TMPRSS11D: variants seen among roughly 807,000 people sequenced by gnomAD.
The protein encoded by TMPRSS11D is transmembrane protease serine 11D.
Under a neutral mutation model 44.4 loss-of-function variants are expected in TMPRSS11D, and 32 were observed. The ratio of observed to expected loss-of-function variants is 0.72; its 90% confidence interval spans 0.54 to 0.97. The LOEUF (loss-of-function observed/expected upper bound fraction) is 0.97, where lower values mean the gene tolerates loss of function less well. Ranked by LOEUF, TMPRSS11D falls within the 50% of genes least tolerant of loss-of-function variation. TMPRSS11D has a pLI of 0.00. For synonymous variants in TMPRSS11D, 179 were observed against 177.9 expected, an observed-to-expected ratio of 1.01 and a Z score of -0.05; for missense variants, 446 against 502.6, an observed-to-expected ratio of 0.89 and a Z score of 1.08.
Position 67,827,318 on chromosome 4 carries a change from T to C in TMPRSS11D, c.895A>G (p.Asn299Asp). 3.7e-6 allele frequency: 6 copies of C among 1,613,354 alleles called. No homozygotes were observed. The highest frequency in any genetic ancestry group is 5.1e-6 in the Non-Finnish European group (6 of 1,179,548). ...TAAGCAGTAGAGCCAGGTGGAATAT[T>C]CTGGGTAGCAGCTGGGAGACACACA... ...HSVCLPAATQNIPPGSTAYVT... is the reference protein window; with the variant it reads ...HSVCLPAATQDIPPGSTAYVT... The change falls in exon 8 of 10, where the codon AAT (asparagine) becomes GAT (aspartate). Residue 299 changes from asparagine to aspartate, a missense_variant. Asn to Asp is a conservative substitution (Grantham distance 23). Coordinates refer to ENST00000283916, the MANE Select transcript of TMPRSS11D (RefSeq NM_004262.3).
chr4:67,876,147 A>G (rs541080721), intron 1 of TMPRSS11D, among the ~76,000 whole-genome samples: 254 of 152,376 alleles, frequency 1.7e-3, no homozygotes, highest in African/African-American at 5.8e-3. Context: ...GCAATGCAGA[A>G]AGGTAATATA....
In TMPRSS11D at chr4:67,827,334, G is replaced by A. The variant is rs761896718; in HGVS notation, c.879C>T (p.Leu293=). Residue 293 remains leucine, a synonymous_variant, in exon 8 of 10, where the codon CTC becomes CTT. Coordinates refer to ENST00000283916, the MANE Select transcript of TMPRSS11D (RefSeq NM_004262.3). The part of the protein sequence containing the change: ...TFTKDIHSVC[L]PAATQNIPPG... Reference sequence around the variant, plus strand: ...GTGGAATATTCTGGGTAGCAGCTGGGAGACACACACTATGGATATCTTTGG... The same window carrying A: ...GTGGAATATTCTGGGTAGCAGCTGGAAGACACACACTATGGATATCTTTGG... The A allele has an allele frequency of 1.3e-5, 21 of 1,613,220 alleles. No homozygotes were observed. The highest frequency in any genetic ancestry group is 1.1e-5 in the Non-Finnish European group (13 of 1,179,582).
intron 5 of TMPRSS11D, among the ~76,000 whole-genome samples, chr4:67,835,734 T>C (rs1366312339): frequency 6.6e-6 from 1 of 152,084 alleles, no homozygotes; most frequent in Non-Finnish European, 1.5e-5. Context: ...TGCACTGTAT[T>C]TTGAAGATCT....
chr4:67,881,196 G>T (rs1719313158), intron 1 of TMPRSS11D, among the ~76,000 whole-genome samples: 1 of 152,184 alleles, frequency 6.6e-6, no homozygotes, highest in African/African-American at 2.4e-5. Context: ...AATATTGAAT[G>T]AATCCCTTCC....
chr4:67,865,215 T>C (rs1383123941), intron 1 of TMPRSS11D, among the ~76,000 whole-genome samples: 2 of 151,496 alleles, frequency 1.3e-5, no homozygotes, highest in Admixed American at 6.6e-5. Context: ...CAGGAGGAAC[T>C]CTTAAAACTA....
intron 3 of TMPRSS11D, among the ~76,000 whole-genome samples, chr4:67,852,917 TA>T (rs1178137500): frequency 6.6e-6 from 1 of 152,142 alleles, no homozygotes; most frequent in Non-Finnish European, 1.5e-5. Context: ...ATTTATAATA[TA>T]AAATACATAC....
rs774136070 is a variant in TMPRSS11D at position 67,821,414 on chromosome 4, G to T, written c.*923C>A. On this transcript the variant is annotated 3_prime_UTR_variant, in exon 10 of 10. Transcript: ENST00000283916. Reference sequence around the variant, plus strand: ...TTTCAATTCGTTACTTAGATTTAGCGTTTGACGACCCTTTTACGCTCAAAA... The same window carrying T: ...TTTCAATTCGTTACTTAGATTTAGCTTTTGACGACCCTTTTACGCTCAAAA... 6.6e-6 allele frequency: 1 copy of T among 152,126 alleles called. No individual in the cohort carries two copies. The highest frequency in any genetic ancestry group is 1.9e-4 in the East Asian group (1 of 5,174). 9.4% of individuals were successfully genotyped at this position (152,126 alleles called of 1,614,324 possible).
Position 67,854,059 on chromosome 4 carries a change from T to C in TMPRSS11D, c.249+9A>G. 7.0e-7 allele frequency: 1 copy of C among 1,426,788 alleles called. No individual in the cohort carries two copies. Among genetic ancestry groups the C allele is most frequent in the Non-Finnish European group, 9.6e-7 (1 of 1,043,280 alleles). 88.4% of individuals were successfully genotyped at this position (1,426,788 alleles called of 1,614,324 possible). ...ATGGAATAAAGAGCAAAGACAAATA[T>C]TAACTTACCAGAGATTCAATTCTTC... On this transcript the variant is annotated intron_variant, in intron 3 of 9. Transcript: ENST00000283916.
intron 1 of TMPRSS11D, among the ~76,000 whole-genome samples, chr4:67,871,997 AAG>A (rs1366514092): frequency 5.3e-5 from 8 of 152,148 alleles, no homozygotes; most frequent in Non-Finnish European, 1.0e-4. Flanking sequence ...CAAGAATCAT[AAG>A]AGAGAGAGCC....
At chr4:67,867,679 A>G (rs937948495) in intron 1 of TMPRSS11D, among the ~76,000 whole-genome samples, 2 of 152,140 alleles carry the variant, frequency 1.3e-5, no homozygotes, top group African/African-American at 2.4e-5. Context: ...ACATGAATAG[A>G]CATTTCTCAA....
rs1717644731 is a variant in TMPRSS11D at position 67,821,640 on chromosome 4, G to A, written c.*697C>T. The A allele has an allele frequency of 6.6e-6, 1 of 151,960 alleles. No homozygotes were observed. Among genetic ancestry groups the A allele is most frequent in the Admixed American group, 6.6e-5 (1 of 15,254 alleles). The allele number at this position is 151,960 out of a possible 1,614,324, so 9.4% of individuals were successfully genotyped here. On this transcript the variant is annotated 3_prime_UTR_variant, in exon 10 of 10. Coordinates refer to ENST00000283916, the MANE Select transcript of TMPRSS11D (RefSeq NM_004262.3). Reference sequence around the variant, plus strand: ...TATGTAGATGAGTGATATTTTTCATGGGTCATCATGAAAAATATCTATAAT... The same window carrying A: ...TATGTAGATGAGTGATATTTTTCATAGGTCATCATGAAAAATATCTATAAT...
intron 1 of TMPRSS11D, among the ~76,000 whole-genome samples, chr4:67,876,565 G>C (rs1339339491): frequency 1.3e-5 from 2 of 152,098 alleles, no homozygotes; most frequent in Admixed American, 1.3e-4. Context: ...GTTAGCAATG[G>C]AAGAGAGTTT....
At chr4:67,879,529 A>G (rs1483556892) in intron 1 of TMPRSS11D, among the ~76,000 whole-genome samples, 3 of 152,024 alleles carry the variant, frequency 2.0e-5, no homozygotes, top group African/African-American at 7.2e-5. Context: ...AATTAGTAGA[A>G]TCTAGTAACA....
At chr4:67,840,410 G>C (rs1337970005) in intron 4 of TMPRSS11D, among the ~76,000 whole-genome samples, 1 of 152,074 alleles carries the variant, frequency 6.6e-6, no homozygotes, top group Non-Finnish European at 1.5e-5. Context: ...TTCAAGATGA[G>C]ATTTTAGTGG....
chr4:67,823,378 C>T (rs1717700625), intron 9 of TMPRSS11D, among the ~76,000 whole-genome samples: 1 of 152,060 alleles, frequency 6.6e-6, no homozygotes. Context: ...TGGAGTATGT[C>T]TTATGTTCTG....
rs555185295 is a variant in TMPRSS11D at position 67,870,101 on chromosome 4, T to C, written c.9-10423A>G. On this transcript the variant is annotated intron_variant, in intron 1 of 9. Transcript: ENST00000283916. ...TACGCTTTTCTTGTGTGTGGCAATATCGTTTTTGCATATTTTAAGATTTTC... is the reference window on the plus strand; with the variant it reads ...TACGCTTTTCTTGTGTGTGGCAATACCGTTTTTGCATATTTTAAGATTTTC... Among the ~76,000 whole-genome samples the C allele has an allele frequency of 1.1e-3, 172 of 152,316 alleles. 1 individual carries two copies. The highest frequency in any genetic ancestry group is 4.1e-3 in the African/African-American group (170 of 41,568).
At chr4:67,835,861 T>C (rs938850574) in intron 5 of TMPRSS11D, among the ~76,000 whole-genome samples, 2 of 151,974 alleles carry the variant, frequency 1.3e-5, no homozygotes, top group African/African-American at 4.8e-5. Context: ...GGAGAGCTAG[T>C]GCATGTGTTG....
chr4:67,850,557 C>G (rs1312939708), intron 3 of TMPRSS11D, among the ~76,000 whole-genome samples: 1 of 152,130 alleles, frequency 6.6e-6, no homozygotes, highest in Non-Finnish European at 1.5e-5. Context: ...AACACCCTGT[C>G]AAAAGCTGAC....
intron 6 of TMPRSS11D, among the ~76,000 whole-genome samples, chr4:67,834,246 C>T (rs191544761): frequency 1.3e-5 from 2 of 150,528 alleles, no homozygotes; most frequent in East Asian, 3.9e-4. Context: ...GGTTTAATAG[C>T]ACAACCACCT....
Sources: allele counts gnomAD v4.1 joint callset (sites outside exome capture counted in the v4.1 genomes callset), GRCh38; gene constraint gnomAD v4.1.1; transcripts MANE v1.5; gene names NCBI Gene and HGNC (gene_info 2026-07-23, HGNC 2026-07-21).